The following TEX36 variants were observed in gnomAD, a reference collection of about 807,000 sequenced individuals.
TEX36 encodes the protein testis expressed 36, also known as testis-expressed protein 36.
Under a neutral mutation model 13.6 loss-of-function variants are expected in TEX36, and 12 were observed. The ratio of observed to expected loss-of-function variants is 0.88; its 90% CI spans 0.56 to 1.43. TEX36 has a LOEUF of 1.43. Ranked by LOEUF, TEX36 falls within the 40% of genes most tolerant of loss-of-function variation. The probability of loss-of-function intolerance (pLI) is 0.00; values close to 1 mark genes in which losing one functional copy is unlikely to be tolerated. For synonymous variants in TEX36, 93 were observed against 83.0 expected (o/e 1.12, Z -0.65); for missense variants, 224 against 228.3 (o/e 0.98, Z 0.12).
chr10:125,626,942 A>G (rs952670600), intron 3 of TEX36, among the ~76,000 whole-genome samples: 1 of 152,156 alleles, frequency 6.6e-6, no homozygotes, highest in Admixed American at 6.5e-5. Flanking sequence ...GAAATGGAAG[A>G]GAGGAGACTG....
chr10:125,677,137 G>A (rs1275728655), intron 1 of TEX36, among the ~76,000 whole-genome samples: 1 of 152,044 alleles, frequency 6.6e-6, no homozygotes, highest in Non-Finnish European at 1.5e-5. Flanking sequence ...AATTTGTTCT[G>A]TATCTTTGAC....
intron 3 of TEX36, among the ~76,000 whole-genome samples, chr10:125,589,851 A>G (rs1435894059): frequency 6.6e-6 from 1 of 152,180 alleles, no homozygotes; most frequent in African/African-American, 2.4e-5. Flanking sequence ...TGTCTGATGA[A>G]GAAATATGAT....
At chr10:125,599,204 A>G (rs1043460661) in intron 3 of TEX36, among the ~76,000 whole-genome samples, 2 of 152,232 alleles carry the variant, frequency 1.3e-5, no homozygotes, top group African/African-American at 4.8e-5. Flanking sequence ...AATCCTAGCA[A>G]ACTGCATCCA....
intron 3 of TEX36, among the ~76,000 whole-genome samples, chr10:125,605,206 C>T (rs1426837618): frequency 6.6e-6 from 1 of 152,184 alleles, no homozygotes; most frequent in East Asian, 1.9e-4. Flanking sequence ...TCCTGTTATG[C>T]CTTCGACTCA....
chr10:125,602,994 C>A (rs1301898935), intron 3 of TEX36, among the ~76,000 whole-genome samples: 1 of 152,164 alleles, frequency 6.6e-6, no homozygotes, highest in African/African-American at 2.4e-5. Context: ...GGGAAGGTTC[C>A]ACCCAGCTGG....
At chr10:125,602,454 G>T (rs538596320) in intron 3 of TEX36, among the ~76,000 whole-genome samples, 1 of 152,108 alleles carries the variant, frequency 6.6e-6, no homozygotes, top group African/African-American at 2.4e-5. Context: ...GGCACCTTCC[G>T]CCCCGTCTCG....
At chr10:125,616,926 C>T (rs1367080294), downstream of TEX36, among the ~76,000 whole-genome samples, 1 of 151,974 alleles carries the variant, frequency 6.6e-6, no homozygotes, top group Non-Finnish European at 1.5e-5. Flanking sequence ...GTCTAAGTCT[C>T]TTTGTAGGTC....
At position 125,643,068 on chromosome 10, in the gene TEX36, T is replaced by C. The variant is rs747550515; in HGVS notation, c.264+17953A>G. 3.2e-4 allele frequency among the ~76,000 whole-genome samples: 48 copies of C among 152,312 alleles called. No homozygotes were observed. The Middle Eastern group carries it at 0.01, about 32-fold the overall frequency. On this transcript the variant is annotated intron_variant, in intron 3 of 3. Coordinates refer to the TEX36 transcript ENST00000526819. ...CCAGGGCATTTGACGAGGTTATTCA[T>C]AGAGGTTCTCTGCCAAGGCTGTCCT... is the stretch of plus-strand genomic sequence containing the variant.
intron 3 of TEX36, among the ~76,000 whole-genome samples, chr10:125,642,784 G>T (rs1254539688): frequency 1.3e-5 from 2 of 152,178 alleles, no homozygotes; most frequent in East Asian, 3.9e-4. Flanking sequence ...AACAAACGGA[G>T]ACCAGGCCTC....
At chr10:125,579,341 G>C (rs557082679) in intron 3 of TEX36, among the ~76,000 whole-genome samples, 17 of 152,244 alleles carry the variant, frequency 1.1e-4, no homozygotes, top group Admixed American at 2.6e-4. Context: ...CAGTGGGAAG[G>C]GGGGCAAAGC....
At chr10:125,661,273 G>A (rs1436344413) in intron 2 of TEX36, among the ~76,000 whole-genome samples, 172 bp from the exon 3 acceptor site, 2 of 152,184 alleles carry the variant, frequency 1.3e-5, no homozygotes, top group Non-Finnish European at 2.9e-5. Flanking sequence ...ATATCCACGT[G>A]CTCATCAGCG....
chr10:125,661,115 A>G lies in TEX36; in HGVS notation c.184-14T>C, dbSNP rs1362524750. Reference sequence around the variant, plus strand: ...ATTCACTGCTTGCTGGAAAAGTGGGATGGAAGGGAAAGAGCACACATTAGA... The same window carrying G: ...ATTCACTGCTTGCTGGAAAAGTGGGGTGGAAGGGAAAGAGCACACATTAGA... On this transcript the variant is annotated splice_polypyrimidine_tract_variant and intron_variant, in intron 2 of 3. Coordinates refer to ENST00000368821, the MANE Select transcript of TEX36 (RefSeq NM_001128202.3). The G allele has an allele frequency of 7.7e-6, 12 of 1,549,070 alleles. No homozygotes were observed. The East Asian group carries it at 2.9e-4, about 38-fold the overall frequency.
chr10:125,655,305 C>T (rs890828107), downstream of TEX36, among the ~76,000 whole-genome samples: 3 of 152,044 alleles, frequency 2.0e-5, no homozygotes, highest in South Asian at 2.1e-4. Flanking sequence ...ATTAGCCCAG[C>T]GTGATGGTGC....
chr10:125,651,234 G>T (rs1846850577), downstream of TEX36, among the ~76,000 whole-genome samples: 1 of 152,162 alleles, frequency 6.6e-6, no homozygotes, highest in African/African-American at 2.4e-5. Flanking sequence ...GAACACTCAT[G>T]CAAAAATCCT....
chr10:125,646,418 T>A (rs1370879090), intron 3 of TEX36, among the ~76,000 whole-genome samples: 1 of 152,312 alleles, frequency 6.6e-6, no homozygotes, highest in African/African-American at 2.4e-5. Context: ...CACCATGATG[T>A]GTCTATGTAC....
intron 3 of TEX36, among the ~76,000 whole-genome samples, chr10:125,648,823 G>C (rs938080324): frequency 4.6e-5 from 7 of 152,142 alleles, no homozygotes; most frequent in Non-Finnish European, 8.8e-5. Context: ...TTAAATAATG[G>C]AGCTGAAAAC....
At chr10:125,618,753 A>G (rs1846389102), downstream of TEX36, among the ~76,000 whole-genome samples, 1 of 151,902 alleles carries the variant, frequency 6.6e-6, no homozygotes, top group Admixed American at 6.6e-5. Flanking sequence ...GTCAGAATAG[A>G]TGCAAGCCAA....
intron 1 of TEX36, chr10:125,666,859 C>T (rs745699604): frequency 1.5e-4 from 52 of 354,222 alleles, no homozygotes; most frequent in Middle Eastern, 4.5e-4. Context: ...TGGGAACAGC[C>T]GGGGAACACC....
chr10:125,664,678 T>C (rs1443273046), intron 1 of TEX36, among the ~76,000 whole-genome samples: 1 of 152,188 alleles, frequency 6.6e-6, no homozygotes, highest in Non-Finnish European at 1.5e-5. Flanking sequence ...TGTCACCTTC[T>C]GCCATGATTG....
Sources: allele counts gnomAD v4.1 joint callset (sites outside exome capture counted in the v4.1 genomes callset), GRCh38; gene constraint gnomAD v4.1.1; transcripts MANE v1.5; gene names NCBI Gene and HGNC (gene_info 2026-07-23, HGNC 2026-07-21).